The following NTM variants were observed in gnomAD, a reference collection of about 807,000 sequenced individuals.
The protein encoded by NTM is IgLON family member 2.
Under a neutral mutation model 42.1 loss-of-function variants are expected in NTM, and 13 were observed. The observed-to-expected ratio is 0.31, with a 90% CI of 0.20 to 0.49. The LOEUF is 0.49. NTM is among the 20% of genes least tolerant of loss of function. NTM has a pLI of 0.99. For missense variants in NTM, 373 were observed against 452.8 expected (o/e 0.82, Z 1.60); for synonymous variants, 187 against 179.2 (o/e 1.04, Z -0.35).
intron 4 of NTM, among the ~76,000 whole-genome samples, chr11:132,275,738 A>ATG (rs1565363112): frequency 7.7e-4 from 51 of 66,606 alleles, no homozygotes; most frequent in Admixed American, 9.0e-4. Context: ...ATATATACGT[A>ATG]TATATATATG....
intron 4 of NTM, among the ~76,000 whole-genome samples, chr11:132,246,063 G>A (rs548821753): frequency 6.6e-6 from 1 of 152,364 alleles, no homozygotes; most frequent in Admixed American, 6.5e-5. Flanking sequence ...AGACTGAGTA[G>A]AGAAAGTGGA....
At chr11:132,166,458 A>C (rs1172050359) in intron 3 of NTM, among the ~76,000 whole-genome samples, 1 of 152,184 alleles carries the variant, frequency 6.6e-6, no homozygotes, top group African/African-American at 2.4e-5. Flanking sequence ...ATGTTTGTCA[A>C]AATCTTGAAA....
At chr11:132,006,281 G>T (rs1436743840) in intron 2 of NTM, among the ~76,000 whole-genome samples, 2 of 152,194 alleles carry the variant, frequency 1.3e-5, no homozygotes, top group Non-Finnish European at 2.9e-5. Context: ...AGGGGAGAGG[G>T]ATGGCCATTG....
chr11:131,866,815 TGTC>T (rs1418343229), intron 1 of NTM, among the ~76,000 whole-genome samples: 1 of 152,228 alleles, frequency 6.6e-6, no homozygotes, highest in Non-Finnish European at 1.5e-5. Flanking sequence ...TTCACTACAA[TGTC>T]GTGATTTTTT....
intron 7 of NTM, among the ~76,000 whole-genome samples, chr11:132,321,028 A>G (rs997305950): frequency 6.6e-6 from 1 of 151,448 alleles, no homozygotes; most frequent in East Asian, 1.9e-4. Flanking sequence ...CCATCTGTAC[A>G]TCACCATCAT....
chr11:132,160,748 G>A (rs1435759849), intron 3 of NTM, among the ~76,000 whole-genome samples: 1 of 152,336 alleles, frequency 6.6e-6, no homozygotes, highest in South Asian at 2.1e-4. Context: ...GCTGAGAGCT[G>A]AGGAGGATTA....
intron 1 of NTM, among the ~76,000 whole-genome samples, chr11:131,765,413 G>A (rs958005501): frequency 3.9e-5 from 6 of 151,904 alleles, no homozygotes; most frequent in Non-Finnish European, 2.9e-5. Context: ...ATCTCTCTAG[G>A]GCCTTTGCAC....
At chr11:132,130,537 C>A (rs112571059) in intron 2 of NTM, among the ~76,000 whole-genome samples, 4,322 of 152,310 alleles carry the variant, frequency 0.028, 89 homozygotes, top group Middle Eastern at 0.11. Flanking sequence ...TTTGCACTTA[C>A]ACCTTTCTTT....
chr11:132,290,242 A>C (rs557246673), intron 4 of NTM, among the ~76,000 whole-genome samples: 2 of 152,222 alleles, frequency 1.3e-5, no homozygotes, highest in East Asian at 3.9e-4. Context: ...AGTAAGACTG[A>C]CTAAAAGATA....
intron 3 of NTM, 107 bp from the exon 4 acceptor site, chr11:132,211,915 G>C: frequency 1.0e-6 from 1 of 973,408 alleles, no homozygotes; most frequent in Non-Finnish European, 1.4e-6. Flanking sequence ...TTAACTTACT[G>C]TAGTCCATAT....
intron 1 of NTM, among the ~76,000 whole-genome samples, chr11:131,593,654 G>T (rs955249281): frequency 2.0e-5 from 3 of 152,218 alleles, no homozygotes; most frequent in African/African-American, 4.8e-5. Context: ...CCTAGTCAAA[G>T]GTCATTCAGC....
At chr11:131,444,094 ATAGT>A (rs1394480957) in intron 1 of NTM, among the ~76,000 whole-genome samples, 1 of 151,358 alleles carries the variant, frequency 6.6e-6, no homozygotes, top group Non-Finnish European at 1.5e-5. Flanking sequence ...GAAAACTTAC[ATAGT>A]TAGTTAAAAG....
chr11:132,123,111 C>G (rs1418622724), intron 2 of NTM, among the ~76,000 whole-genome samples: 5 of 152,184 alleles, frequency 3.3e-5, no homozygotes, highest in Admixed American at 2.6e-4. Context: ...CCCTTTGCTT[C>G]TCTCTCTTTT....
intron 4 of NTM, among the ~76,000 whole-genome samples, chr11:132,243,773 C>T (rs2090603900): frequency 6.6e-6 from 1 of 152,172 alleles, no homozygotes; most frequent in African/African-American, 2.4e-5. Flanking sequence ...GCCAGGAAGC[C>T]TGGAGGGTCA....
chr11:131,680,471 G>A (rs12418455), intron 1 of NTM, among the ~76,000 whole-genome samples: 3 of 127,192 alleles, frequency 2.4e-5, no homozygotes, highest in Non-Finnish European at 3.5e-5. Context: ...GTGAGTGCCT[G>A]TGTGTGTGCA....
intron 1 of NTM, among the ~76,000 whole-genome samples, chr11:131,527,139 A>AC (rs1240717250): frequency 6.6e-6 from 1 of 151,814 alleles, no homozygotes; most frequent in Admixed American, 6.6e-5. Context: ...CCTATGTGTA[A>AC]CCCCCCTGGT....
chr11:131,526,954 T>C (rs1383046579), intron 1 of NTM, among the ~76,000 whole-genome samples: 1 of 152,246 alleles, frequency 6.6e-6, no homozygotes, highest in Non-Finnish European at 1.5e-5. Flanking sequence ...AGGTATTCCC[T>C]TGTGCAAATT....
At chr11:132,147,837 A>G (rs936646877) in intron 3 of NTM, among the ~76,000 whole-genome samples, 2 of 152,162 alleles carry the variant, frequency 1.3e-5, no homozygotes, top group African/African-American at 4.8e-5. Context: ...TAGAGACAGA[A>G]TAGGAAGGAA....
intron 1 of NTM, among the ~76,000 whole-genome samples, chr11:131,878,595 ATATATATATATATATATATATAT>A (rs1419544381): frequency 0.049 from 545 of 11,150 alleles, 153 homozygotes; most frequent in East Asian, 0.16. Flanking sequence ...AAAAAAAAAA[ATATATATATATATATATATATAT>A]ATATATATAT....
Sources: allele counts gnomAD v4.1 joint callset (sites outside exome capture counted in the v4.1 genomes callset), GRCh38; gene constraint gnomAD v4.1.1; transcripts MANE v1.5; gene names NCBI Gene and HGNC (gene_info 2026-07-23, HGNC 2026-07-21).